INTS13: variants seen among roughly 807,000 people sequenced by gnomAD.
INTS13 encodes asunder, spermatogenesis regulator homolog (Drosphila).
A neutral mutation model predicts 90.2 loss-of-function variants in INTS13; 35 were observed. That is an observed-to-expected ratio of 0.39 (90% CI 0.30 to 0.51). INTS13 has a LOEUF of 0.51. INTS13 is among the 20% of genes least tolerant of loss of function. The pLI, the probability that INTS13 is intolerant of heterozygous loss-of-function variation, is 0.80. For missense variants in INTS13, 601 were observed against 851.2 expected, an observed-to-expected ratio of 0.71 and a Z score of 3.66; for synonymous variants, 309 against 277.1, an observed-to-expected ratio of 1.11 and a Z score of -1.14.
At position 26,905,277 on chromosome 12, in the gene INTS13, A is replaced by C; in HGVS notation, c.*220T>G. 2.0e-6 allele frequency: 1 copy of C among 491,272 alleles called. No homozygotes were observed. The highest frequency in any genetic ancestry group is 3.2e-5 in the South Asian group (1 of 31,532). The allele number at this position is 491,272 out of a possible 1,614,324, so 30.4% of individuals were successfully genotyped here. ...CAGAGAGAACACTTTATACCATAAA[A>C]TAAACTTGTATAATTTGGGAGGACA... On this transcript the variant is annotated 3_prime_UTR_variant, in exon 17 of 17. Transcript: ENST00000261191.
In INTS13 at chr12:26,928,292, C is replaced by T. The variant is rs761525036; in HGVS notation, c.504-7G>A. 2 of 1,601,472 alleles carry T rather than the reference C, an allele frequency of 1.2e-6. No homozygotes were observed. Among genetic ancestry groups the T allele is most frequent in the South Asian group, 2.2e-5 (2 of 90,346 alleles). ...CATTCGCACATGACTATCACTATGG[C>T]ATAAAAAAGATATAGCAAATTTAAA... is the stretch of plus-strand genomic sequence containing the variant. On this transcript the variant is annotated splice_region_variant and splice_polypyrimidine_tract_variant and intron_variant, in intron 4 of 16. Coordinates refer to ENST00000261191, the MANE Select transcript of INTS13 (RefSeq NM_018164.3).
At chr12:26,937,997 GCA>G (rs149220083), upstream of INTS13, 13 of 151,296 alleles carry the variant, frequency 8.6e-5, no homozygotes, top group Non-Finnish European at 1.5e-4. Context: ...GCGTGCGCGT[GCA>G]CACACACACA....
chr12:26,927,622 T>G (rs996637847), intron 5 of INTS13, among the ~76,000 whole-genome samples: 1 of 152,146 alleles, frequency 6.6e-6, no homozygotes, highest in Non-Finnish European at 1.5e-5. Context: ...TAAATTAAAT[T>G]AAATTTTTTT....
intron 7 of INTS13, among the ~76,000 whole-genome samples, chr12:26,923,221 T>C (rs1405016331): frequency 5.3e-5 from 8 of 152,118 alleles, no homozygotes; most frequent in African/African-American, 1.9e-4. Context: ...AACACAAAGA[T>C]TGAAGAGTCA....
chr12:26,914,923 G>C (rs1951886394), intron 11 of INTS13, among the ~76,000 whole-genome samples: 1 of 152,050 alleles, frequency 6.6e-6, no homozygotes, highest in South Asian at 2.1e-4. Flanking sequence ...AGACCCATTT[G>C]CTTATTTAAA....
At position 26,911,200 on chromosome 12, in the gene INTS13, A is replaced by G; in HGVS notation, c.1923T>C (p.Thr641=). ...NKKPLVEMDE[T]PQVEKSKGPV... ...TACCTTTTGATTTTTCCACTTGTGG[A>G]GTTTCATCCATTTCAACAAGGGGTT... Residue 641 remains threonine (T), a synonymous_variant, in exon 15 of 17, where the codon ACT becomes ACC. Transcript: ENST00000261191. 1.2e-6 allele frequency: 2 copies of G among 1,613,202 alleles called. No homozygotes were observed. The highest frequency in any genetic ancestry group is 1.7e-6 in the Non-Finnish European group (2 of 1,179,782).
At chr12:26,923,087 A>G (rs944198072) in intron 7 of INTS13, among the ~76,000 whole-genome samples, 3 of 152,124 alleles carry the variant, frequency 2.0e-5, no homozygotes, top group Non-Finnish European at 4.4e-5. Context: ...AGGAAATAGC[A>G]TCTTTAAATA....
At chr12:26,925,360 G>A (rs1431020966) in intron 6 of INTS13, among the ~76,000 whole-genome samples, 1 of 151,854 alleles carries the variant, frequency 6.6e-6, no homozygotes. Context: ...AACCAAGGTT[G>A]GAAAATAAGA....
At chr12:26,928,080 T>C in intron 5 of INTS13, 125 bp downstream of exon 5, 1 of 593,366 alleles carries the variant, frequency 1.7e-6, no homozygotes, top group African/African-American at 1.9e-5. Context: ...AAACATACAT[T>C]TTTTGACTAA....
At chr12:26,924,190 A>C (rs1297073477) in intron 7 of INTS13, among the ~76,000 whole-genome samples, 165 bp downstream of exon 7, 1 of 152,176 alleles carries the variant, frequency 6.6e-6, no homozygotes, top group Non-Finnish European at 1.5e-5. Context: ...ATGGGATCGT[A>C]CTATGTTGAC....
intron 3 of INTS13, among the ~76,000 whole-genome samples, chr12:26,930,988 T>C (rs1321050571): frequency 6.6e-6 from 1 of 152,182 alleles, no homozygotes; most frequent in Non-Finnish European, 1.5e-5. Context: ...ACTGAGTGAA[T>C]TACCTCAAAA....
chr12:26,924,215 A>T, intron 7 of INTS13, 140 bp downstream of exon 7: 1 of 739,290 alleles, frequency 1.4e-6, no homozygotes, highest in Non-Finnish European at 2.1e-6. Context: ...CTGGTCTCAA[A>T]CTCCTGGCCT....
In INTS13 at chr12:26,928,802, T is replaced by G. The variant is rs1402265929; in HGVS notation, c.404A>C (p.Lys135Thr). 6 of 1,614,112 alleles carry G rather than the reference T, an allele frequency of 3.7e-6. No individual in the cohort carries two copies. Among genetic ancestry groups the G allele is most frequent in the Admixed American group, 1.7e-5 (1 of 60,002 alleles). The change falls in exon 4 of 17, where the codon AAA becomes ACA. Residue 135 changes from lysine to threonine, a missense_variant. By Grantham distance (78) the Lys-to-Thr change is moderately conservative. Coordinates refer to ENST00000261191, the MANE Select transcript of INTS13 (RefSeq NM_018164.3). ...GLVAAVETLC[K>T]ITEYQHEART... ...AGCCTCATGTTGGTATTCAGTAATTTTGCAGAGAGTTTCCACTGCTGCAAC... is the reference window on the plus strand; with the variant it reads ...AGCCTCATGTTGGTATTCAGTAATTGTGCAGAGAGTTTCCACTGCTGCAAC...
chr12:26,911,442 G>A (rs1951772057), intron 14 of INTS13, 125 bp from the exon 15 acceptor site: 5 of 682,250 alleles, frequency 7.3e-6, no homozygotes, highest in Non-Finnish European at 8.5e-6. Context: ...ATAAACCTAG[G>A]GACTAATCAA....
At chr12:26,935,069 G>A (rs1304704705) in intron 2 of INTS13, among the ~76,000 whole-genome samples, 2 of 152,120 alleles carry the variant, frequency 1.3e-5, no homozygotes, top group Non-Finnish European at 2.9e-5. Flanking sequence ...ATCTGGGTAC[G>A]GCAAATAACA....
At chr12:26,931,138 T>C (rs1480872308) in intron 3 of INTS13, among the ~76,000 whole-genome samples, 19 of 150,676 alleles carry the variant, frequency 1.3e-4, no homozygotes. Context: ...TAAAATTAAA[T>C]TAAAAAAAAA....
chr12:26,922,762 T>C, intron 7 of INTS13, 62 bp from the exon 8 acceptor site: 1 of 1,053,504 alleles, frequency 9.5e-7, no homozygotes, highest in Non-Finnish European at 1.4e-6. Flanking sequence ...AATAAAATTA[T>C]TAATTATTCA....
chr12:26,915,972 A>G, intron 11 of INTS13, 30 bp downstream of exon 11: 1 of 1,518,370 alleles, frequency 6.6e-7, no homozygotes, highest in Non-Finnish European at 8.9e-7. Flanking sequence ...CAGATTCAAA[A>G]CTTAAAATTT....
chr12:26,913,459 C>T lies in INTS13; in HGVS notation c.1803G>A (p.Glu601=), dbSNP rs745819814. 2.5e-6 allele frequency: 4 copies of T among 1,613,736 alleles called. No homozygotes were observed. The African/African-American group carries it at 5.3e-5, about 22-fold the overall frequency. ...CTATATCAATGCCAGGAAGTCACCT[C>T]TCTGAGTCTTGCCAAGACTTTTCCT... ...YEQEKSWQDS[E]RLKGILERGK... The change falls in exon 14 of 17, where the codon GAG becomes GAA. Residue 601 remains glutamate (E), a splice_region_variant and synonymous_variant. Coordinates refer to ENST00000261191, the MANE Select transcript of INTS13 (RefSeq NM_018164.3).
Sources: allele counts gnomAD v4.1 joint callset (sites outside exome capture counted in the v4.1 genomes callset), GRCh38; gene constraint gnomAD v4.1.1; transcripts MANE v1.5; gene names NCBI Gene and HGNC (gene_info 2026-07-23, HGNC 2026-07-21).